PLS3: variants seen among roughly 807,000 people sequenced by gnomAD.
PLS3 encodes plastin 3, also known as plastin-3.
PLS3 carries 11 observed loss-of-function variants against 46.5 expected under a neutral mutation model. That is an observed-to-expected ratio of 0.24 (90% CI 0.15 to 0.39). The LOEUF is 0.39. PLS3 is among the 10% of genes least tolerant of loss of function. PLS3 has a pLI of 1.00. For synonymous variants in PLS3, 167 were observed against 162.2 expected (o/e 1.03, Z -0.22); for missense variants, 308 against 461.8 (o/e 0.67, Z 3.05).
chrX:115,650,200 G>A lies in PLS3; in HGVS notation c.*639G>A, dbSNP rs1029216280. The A allele has an allele frequency of 1.8e-5, 2 of 111,554 alleles. No individual in the cohort carries two copies. Among genetic ancestry groups the A allele is most frequent in the Admixed American group, 1.9e-4 (2 of 10,373 alleles). 9.2% of individuals were successfully genotyped at this position (111,554 alleles called of 1,213,427 possible). A position where few individuals can be genotyped will look rare whatever the true frequency, so the allele number is the denominator to read the frequency against. On this transcript the variant is annotated 3_prime_UTR_variant, in exon 16 of 16. Transcript: ENST00000355899. ...TATATTAAACAAGACTGCTGATTTTGCTACTTTTTTTAAGGGGTCTTCAAG... is the reference window on the plus strand; with the variant it reads ...TATATTAAACAAGACTGCTGATTTTACTACTTTTTTTAAGGGGTCTTCAAG...
At chrX:115,592,051 G>GC (rs1366377471) in intron 1 of PLS3, among the ~76,000 whole-genome samples, 1 of 112,131 alleles carries the variant, frequency 8.9e-6, no homozygotes, top group Non-Finnish European at 1.9e-5. Flanking sequence ...GGAGAACACT[G>GC]CCTCATAATG....
At position 115,629,868 on chromosome X, in the gene PLS3, A is replaced by C. The variant is rs1556639006; in HGVS notation, c.401A>C (p.Asn134Thr). Residue 134 changes from asparagine (N) to threonine (T), a missense_variant, in exon 5 of 16, where the codon AAC becomes ACC. Coordinates refer to ENST00000355899, the MANE Select transcript of PLS3 (RefSeq NM_005032.7). ...AAATATGCTTTTGTTAACTGGATAAACAAAGCTTTGGAAAATGATCCTGAT... is the reference window on the plus strand; with the variant it reads ...AAATATGCTTTTGTTAACTGGATAACCAAAGCTTTGGAAAATGATCCTGAT... ...EEKYAFVNWINKALENDPDCR... is the reference protein window; with the variant it reads ...EEKYAFVNWITKALENDPDCR... 8.6e-7 allele frequency: 1 copy of C among 1,156,823 alleles called. No individual in the cohort carries two copies. The highest frequency in any genetic ancestry group is 1.9e-5 in the South Asian group (1 of 53,801).
chrX:115,627,495 C>T (rs1420810002), intron 3 of PLS3, among the ~76,000 whole-genome samples: 1 of 111,038 alleles, frequency 9.0e-6, no homozygotes, highest in Non-Finnish European at 1.9e-5. Flanking sequence ...TGTCTTTTCA[C>T]AGAGCAGCTG....
chrX:115,587,606 G>A (rs2074317832), intron 1 of PLS3, among the ~76,000 whole-genome samples: 1 of 110,805 alleles, frequency 9.0e-6, no homozygotes, highest in Non-Finnish European at 1.9e-5. Flanking sequence ...GTGGTGGCGG[G>A]CACCTGTAGT....
At chrX:115,646,686 T>C in intron 13 of PLS3, 151 bp downstream of exon 13, 1 of 464,257 alleles carries the variant, frequency 2.2e-6, no homozygotes, top group Non-Finnish European at 3.3e-6. Context: ...AATGAATATA[T>C]GTTGGATGTT....
intron 1 of PLS3, among the ~76,000 whole-genome samples, chrX:115,569,021 G>T (rs2074195584): frequency 1.3e-5 from 1 of 78,422 alleles, no homozygotes; most frequent in Non-Finnish European, 2.3e-5. Flanking sequence ...GGGCAACAGA[G>T]CACGACTCCG....
Position 115,646,075 on chromosome X carries a change from C to T in PLS3, c.1266C>T (p.Asp422=). The T allele has an allele frequency of 9.0e-7, 1 of 1,108,460 alleles. No individual in the cohort carries two copies. Among genetic ancestry groups the T allele is most frequent in the Non-Finnish European group, 1.2e-6 (1 of 803,978 alleles). The allele number at this position is 1,108,460 out of a possible 1,213,427, so 91.3% of individuals were successfully genotyped here. ...VNPHVNHLYA[D]LQDALVILQL... is the part of the protein sequence containing the mutation. ...TACATTATTTTTAAATCATTAGTGA[C>T]CTGCAAGATGCCCTGGTAATCTTAC... Residue 422 remains aspartate, a synonymous_variant, in exon 12 of 16, where the codon GAC becomes GAT. Coordinates refer to ENST00000355899, the MANE Select transcript of PLS3 (RefSeq NM_005032.7).
At chrX:115,563,249 A>C (rs1434496790) in intron 1 of PLS3, among the ~76,000 whole-genome samples, 2 of 112,060 alleles carry the variant, frequency 1.8e-5, no homozygotes, top group Non-Finnish European at 3.8e-5. Context: ...TAACCTCTTG[A>C]CTAAAATTAA....
intron 1 of PLS3, among the ~76,000 whole-genome samples, chrX:115,566,987 T>C (rs1569525753): frequency 8.9e-6 from 1 of 112,660 alleles, no homozygotes; most frequent in Admixed American, 9.4e-5. Context: ...CATGTGATAC[T>C]TTCTTCTATT....
At chrX:115,593,385 G>A (rs1396641325) in intron 1 of PLS3, among the ~76,000 whole-genome samples, 1 of 110,862 alleles carries the variant, frequency 9.0e-6, no homozygotes, top group Non-Finnish European at 1.9e-5. Context: ...TGTAAATGCT[G>A]CATTTAAATT....
chrX:115,570,977 C>T (rs1273985598), intron 1 of PLS3, among the ~76,000 whole-genome samples: 1 of 102,445 alleles, frequency 9.8e-6, no homozygotes, highest in African/African-American at 3.6e-5. Flanking sequence ...CTCACTGCAA[C>T]CTCCGCCTCC....
intron 3 of PLS3, among the ~76,000 whole-genome samples, chrX:115,628,842 G>T (rs2074736468): frequency 9.0e-6 from 1 of 111,682 alleles, no homozygotes; most frequent in Non-Finnish European, 1.9e-5. Context: ...ATTAAAGTAG[G>T]GGGATTCTTC....
chrX:115,565,070 G>T (rs150531365), intron 1 of PLS3, among the ~76,000 whole-genome samples: 1 of 111,915 alleles, frequency 8.9e-6, no homozygotes, highest in Non-Finnish European at 1.9e-5. Flanking sequence ...ACATTACAAT[G>T]TTGGAAGATT....
intron 8 of PLS3, chrX:115,639,778 A>G (rs1282909722): frequency 8.2e-6 from 3 of 367,246 alleles, no homozygotes; most frequent in African/African-American, 7.6e-5. Flanking sequence ...CTGTGAGCCA[A>G]CCCCATTGTT....
intron 3 of PLS3, among the ~76,000 whole-genome samples, chrX:115,626,785 A>G (rs149101421): frequency 0.015 from 1,662 of 110,765 alleles, 14 homozygotes; most frequent in Middle Eastern, 0.038. Flanking sequence ...AAAGCTATGT[A>G]AATAATTGCA....
rs902691334 is a variant in PLS3 at position 115,578,846 on chromosome X, A to C, written c.-9+17586A>C. Among the ~76,000 whole-genome samples, 3 of 110,788 alleles carry C rather than the reference A, an allele frequency of 2.7e-5. No homozygotes were observed. In the Admixed American group the frequency reaches 2.9e-4, roughly 11 times the overall value. On this transcript the variant is annotated intron_variant, in intron 1 of 15. Coordinates refer to ENST00000355899, the MANE Select transcript of PLS3 (RefSeq NM_005032.7). Reference sequence around the variant, plus strand: ...ATTAGATTTTTTAATTAAACTTTTTATTTTGAGATAATTGTAGATTCACAC... The same window carrying C: ...ATTAGATTTTTTAATTAAACTTTTTCTTTTGAGATAATTGTAGATTCACAC...
intron 1 of PLS3, among the ~76,000 whole-genome samples, chrX:115,590,676 C>G (rs2074338611): frequency 9.0e-6 from 1 of 110,922 alleles, no homozygotes; most frequent in African/African-American, 3.3e-5. Context: ...AAAAATTAGC[C>G]GGGCATGGTG....
chrX:115,643,233 T>C (rs2074916067), intron 9 of PLS3, 80 bp from the exon 10 acceptor site: 1 of 589,098 alleles, frequency 1.7e-6, no homozygotes, highest in African/African-American at 2.3e-5. Flanking sequence ...TAGAACTGTA[T>C]ACCCAGACTA....
At chrX:115,610,996 G>A in intron 2 of PLS3, 1 of 507,037 alleles carries the variant, frequency 2.0e-6, no homozygotes, top group South Asian at 2.9e-5. Flanking sequence ...AAAACAGGGT[G>A]AGAACAGCCT....
Sources: gnomAD v4.1 joint callset for allele counts (sites outside exome capture counted in the v4.1 genomes callset) on GRCh38, gnomAD v4.1.1 for gene constraint, MANE v1.5 for transcripts, NCBI Gene and HGNC (gene_info 2026-07-23, HGNC 2026-07-21) for gene names.